C4orf51: variants seen among roughly 807,000 people sequenced by gnomAD.
The protein encoded by C4orf51 is chromosome 4 open reading frame 51.
A neutral mutation model predicts 25.2 loss-of-function variants in C4orf51; 25 were observed. That is an observed-to-expected ratio of 0.99 (90% CI 0.72 to 1.39). The LOEUF is 1.39. Among genes scored for constraint, C4orf51 ranks in the 40% most tolerant of loss-of-function variants. The pLI is 0.00. For synonymous variants in C4orf51, 100 were observed against 84.5 expected, an observed-to-expected ratio of 1.18 and a Z score of -1.01; for missense variants, 252 against 239.6, an observed-to-expected ratio of 1.05 and a Z score of -0.34.
chr4:145,779,457 T>C, the C4orf51 span: 62 of 1,614,134 alleles, frequency 3.8e-5, no homozygotes, highest in East Asian at 6.7e-5. Flanking sequence ...AAGCTGGTCA[T>C]TGAATTTCCA....
At chr4:145,681,022 A>C (rs1304095868) in intron 1 of C4orf51, among the ~76,000 whole-genome samples, 4 of 152,188 alleles carry the variant, frequency 2.6e-5, no homozygotes, top group Non-Finnish European at 4.4e-5. Context: ...AAGAGAGCTC[A>C]GTAAAATAGG....
At chr4:145,693,580 AG>A (rs1315087327) in intron 1 of C4orf51, among the ~76,000 whole-genome samples, 2 of 149,624 alleles carry the variant, frequency 1.3e-5, no homozygotes, top group Admixed American at 1.3e-4. Context: ...GGCCGGGCAG[AG>A]GGGCTCCTCA....
the C4orf51 span, among the ~76,000 whole-genome samples, chr4:145,781,195 CAAAAAAAAAAAAAAAAAAAA>C: frequency 1.8e-5 from 1 of 56,546 alleles, no homozygotes; most frequent in Non-Finnish European, 2.8e-5. Flanking sequence ...GACACCATCT[CAAAAAAAAAAAAAAAAAAAA>C]AAGAAAAAAA....
chr4:145,690,878 A>G (rs1009869568), intron 1 of C4orf51, among the ~76,000 whole-genome samples: 1 of 152,152 alleles, frequency 6.6e-6, no homozygotes, highest in Non-Finnish European at 1.5e-5. Flanking sequence ...AGGCAGGAAG[A>G]GGACTGTTTG....
chr4:145,751,252 T>C lies in C4orf51; in HGVS notation n.168-2955T>C, dbSNP rs577255889. On this transcript the variant is annotated intron_variant and non_coding_transcript_variant, in intron 1 of 1. Transcript: ENST00000508981. Reference sequence around the variant, plus strand: ...AAGAGTTAGGTATTTATTTTAGTCTTTGTAGTCTGGGCTTGTTTGTACCTA... The same window carrying C: ...AAGAGTTAGGTATTTATTTTAGTCTCTGTAGTCTGGGCTTGTTTGTACCTA... 2.8e-4 allele frequency among the ~76,000 whole-genome samples: 42 copies of C among 152,298 alleles called. No individual in the cohort carries two copies. In the South Asian group the frequency reaches 8.5e-3, roughly 31 times the overall value.
downstream of C4orf51, chr4:145,775,963 G>A (rs370783606): frequency 1.2e-6 from 2 of 1,614,100 alleles, no homozygotes; most frequent in Non-Finnish European, 8.5e-7. Flanking sequence ...TCTTTCCTCT[G>A]GGGGAGAAGG....
At chr4:145,715,360 G>A (rs150795262) in intron 2 of C4orf51, among the ~76,000 whole-genome samples, 16 of 152,220 alleles carry the variant, frequency 1.1e-4, no homozygotes, top group African/African-American at 3.1e-4. Context: ...TTTCTGTGGG[G>A]TGAGAAACAA....
At chr4:145,773,063 GTA>G (rs965168152), downstream of C4orf51, among the ~76,000 whole-genome samples, 1 of 152,090 alleles carries the variant, frequency 6.6e-6, no homozygotes, top group Non-Finnish European at 1.5e-5. Flanking sequence ...CTGGGTTCAG[GTA>G]TACTTTGGAG....
chr4:145,772,966 G>C (rs1431637834), downstream of C4orf51, among the ~76,000 whole-genome samples: 2 of 152,198 alleles, frequency 1.3e-5, no homozygotes, highest in Non-Finnish European at 2.9e-5. Flanking sequence ...TCCAGCTTCT[G>C]CCTAGCCATA....
chr4:145,755,567 G>A (rs1733888864), downstream of C4orf51, among the ~76,000 whole-genome samples: 1 of 151,946 alleles, frequency 6.6e-6, no homozygotes, highest in Non-Finnish European at 1.5e-5. Flanking sequence ...CAACTACAAA[G>A]AAAGAATTAT....
intron 2 of C4orf51, among the ~76,000 whole-genome samples, chr4:145,707,379 G>A (rs1730876984): frequency 1.3e-5 from 2 of 152,196 alleles, no homozygotes; most frequent in South Asian, 4.1e-4. Context: ...TTCTGTAAAG[G>A]GTGAACAAAT....
chr4:145,780,063 T>C, the C4orf51 span, among the ~76,000 whole-genome samples: 1 of 152,074 alleles, frequency 6.6e-6, no homozygotes, highest in African/African-American at 2.4e-5. Context: ...TGGTGGCGGG[T>C]GCCTGTAATC....
chr4:145,766,347 C>T (rs574874906), intron 1 of C4orf51, among the ~76,000 whole-genome samples: 23 of 152,308 alleles, frequency 1.5e-4, no homozygotes, highest in Non-Finnish European at 2.6e-4. Flanking sequence ...TTTACCATTA[C>T]TACTAACAAC....
intron 1 of C4orf51, among the ~76,000 whole-genome samples, chr4:145,741,379 G>A (rs1026980111): frequency 1.3e-5 from 2 of 152,008 alleles, no homozygotes; most frequent in Admixed American, 1.3e-4. Context: ...TTGTATTTAG[G>A]AGACGAGGTA....
intron 2 of C4orf51, among the ~76,000 whole-genome samples, chr4:145,699,122 C>T (rs992766940): frequency 5.3e-5 from 8 of 151,864 alleles, no homozygotes; most frequent in African/African-American, 1.9e-4. Context: ...TGTAATTTTC[C>T]TTTACCCACC....
chr4:145,737,920 T>C (rs1334633269), intron 1 of C4orf51, among the ~76,000 whole-genome samples: 1 of 152,210 alleles, frequency 6.6e-6, no homozygotes, highest in Non-Finnish European at 1.5e-5. Context: ...AGTGTTCATG[T>C]TCTAAAATAT....
intron 1 of C4orf51, among the ~76,000 whole-genome samples, chr4:145,694,664 G>A (rs1229994224): frequency 5.4e-5 from 7 of 128,976 alleles, no homozygotes; most frequent in East Asian, 4.7e-4. Flanking sequence ...TCAGCCCTCC[G>A]CCCGGCCAGC....
At chr4:145,726,572 T>A (rs911292844) in intron 2 of C4orf51, among the ~76,000 whole-genome samples, 1 of 152,100 alleles carries the variant, frequency 6.6e-6, no homozygotes, top group Admixed American at 6.6e-5. Flanking sequence ...AGCTAATTTT[T>A]AAAAATTATT....
chr4:145,764,782 T>G, intron 1 of C4orf51: 1 of 630,498 alleles, frequency 1.6e-6, no homozygotes, highest in Middle Eastern at 4.3e-4. Flanking sequence ...GCAAAATGGA[T>G]TCTCCTACTG....
Sources: allele counts gnomAD v4.1 joint callset (sites outside exome capture counted in the v4.1 genomes callset), GRCh38; gene constraint gnomAD v4.1.1; transcripts MANE v1.5; gene names NCBI Gene and HGNC (gene_info 2026-07-23, HGNC 2026-07-21).